CFAP61: variants seen among roughly 807,000 people sequenced by gnomAD.
CFAP61 encodes cilia and flagella associated protein 61, also known as cilia- and flagella-associated protein 61.
In CFAP61, 107 loss-of-function variants were observed where a neutral mutation model predicts 135.6. The ratio of observed to expected loss-of-function variants is 0.79; its 90% CI spans 0.67 to 0.93. CFAP61 has a LOEUF of 0.93. CFAP61 is among the 40% of genes least tolerant of loss of function. The probability of loss-of-function intolerance (pLI) is 0.00; values close to 1 mark genes in which losing one functional copy is unlikely to be tolerated. For synonymous variants in CFAP61, 575 were observed against 578.5 expected (o/e 0.99, Z 0.09); for missense variants, 1,507 against 1,556.2 (o/e 0.97, Z 0.53).
chr20:20,085,380 G>T, intron 6 of CFAP61: 1 of 1,344,984 alleles, frequency 7.4e-7, no homozygotes, highest in Admixed American at 2.0e-5. Flanking sequence ...TAGCACTCGG[G>T]CTGATGCAAG....
intron 9 of CFAP61, among the ~76,000 whole-genome samples, chr20:20,150,434 C>T (rs2052308617): frequency 2.6e-5 from 4 of 152,194 alleles, no homozygotes; most frequent in East Asian, 1.9e-4. Context: ...CACCTCCTGG[C>T]TTGAGGCCAA....
chr20:20,227,245 GA>G (rs1489046224), intron 17 of CFAP61, among the ~76,000 whole-genome samples: 3 of 152,236 alleles, frequency 2.0e-5, no homozygotes, highest in Admixed American at 6.5e-5. Flanking sequence ...TGACCTATCA[GA>G]ATGCGGAGAT....
At chr20:20,086,600 C>T (rs986251711) in intron 6 of CFAP61, among the ~76,000 whole-genome samples, 3 of 151,956 alleles carry the variant, frequency 2.0e-5, no homozygotes, top group Admixed American at 2.0e-4. Flanking sequence ...TTCAGACTGC[C>T]CAGACGCTGC....
chr20:20,315,707 T>A (rs1480322673), intron 25 of CFAP61, among the ~76,000 whole-genome samples: 37 of 152,322 alleles, frequency 2.4e-4, no homozygotes, highest in African/African-American at 8.7e-4. Context: ...CTTGAATTAA[T>A]GTTTGTATAA....
intron 13 of CFAP61, chr20:20,172,244 G>A (rs948640286): frequency 8.1e-6 from 8 of 984,772 alleles, no homozygotes; most frequent in African/African-American, 1.7e-5. Flanking sequence ...ACAGGACTGG[G>A]AATTGTAGGT....
chr20:20,291,286 T>A (rs146835934), intron 24 of CFAP61, among the ~76,000 whole-genome samples: 2 of 152,236 alleles, frequency 1.3e-5, no homozygotes, highest in Non-Finnish European at 2.9e-5. Context: ...GCAGCTTCAC[T>A]GCCCTAAGAA....
intron 19 of CFAP61, 91 bp from the exon 20 acceptor site, chr20:20,251,504 C>A: frequency 1.6e-6 from 2 of 1,233,926 alleles, no homozygotes; most frequent in Non-Finnish European, 2.3e-6. Context: ...GGACTCAGCC[C>A]ACTAGGGGAC....
At chr20:20,066,177 A>G (rs1207374064) in intron 2 of CFAP61, among the ~76,000 whole-genome samples, 2 of 152,188 alleles carry the variant, frequency 1.3e-5, no homozygotes, top group Admixed American at 6.5e-5. Flanking sequence ...TCAGGAAACA[A>G]CAGATGCTGG....
At chr20:20,108,365 TGA>T (rs2146662716) in intron 8 of CFAP61, among the ~76,000 whole-genome samples, 1 of 152,152 alleles carries the variant, frequency 6.6e-6, no homozygotes, top group Admixed American at 6.5e-5. Context: ...ATACTAAAAA[TGA>T]ACAAACAAAA....
At chr20:20,145,962 AAAG>A (rs2051844664) in intron 9 of CFAP61, among the ~76,000 whole-genome samples, 1 of 152,256 alleles carries the variant, frequency 6.6e-6, no homozygotes, top group Non-Finnish European at 1.5e-5. Flanking sequence ...CAGTAAGGAT[AAAG>A]AAGATTTTAA....
intron 21 of CFAP61, among the ~76,000 whole-genome samples, chr20:20,270,001 G>A (rs1326545776): frequency 1.3e-5 from 2 of 152,052 alleles, no homozygotes; most frequent in Non-Finnish European, 2.9e-5. Context: ...GGATGAATGA[G>A]TCATATGTAA....
At chr20:20,062,460 T>C (rs1413306822) in intron 2 of CFAP61, among the ~76,000 whole-genome samples, 2 of 152,122 alleles carry the variant, frequency 1.3e-5, no homozygotes, top group African/African-American at 4.8e-5. Flanking sequence ...AGTTTACCTC[T>C]AAGAGCAAGA....
At chr20:20,332,703 A>T (rs1040089164) in intron 25 of CFAP61, among the ~76,000 whole-genome samples, 1 of 152,106 alleles carries the variant, frequency 6.6e-6, no homozygotes, top group Admixed American at 6.6e-5. Context: ...TACAGCCTCA[A>T]ACTCGGGCTC....
chr20:20,309,659 A>C (rs1218138991), intron 25 of CFAP61, among the ~76,000 whole-genome samples: 2 of 152,198 alleles, frequency 1.3e-5, no homozygotes, highest in Non-Finnish European at 2.9e-5. Flanking sequence ...CTTTAGTAAA[A>C]GCAGTTGTTG....
chr20:20,345,251 G>A (rs2058586911), intron 26 of CFAP61, among the ~76,000 whole-genome samples: 1 of 152,126 alleles, frequency 6.6e-6, no homozygotes, highest in Admixed American at 6.5e-5. Context: ...AACTAAAAGA[G>A]TGGAATTGGA....
intron 15 of CFAP61, among the ~76,000 whole-genome samples, chr20:20,194,623 A>G (rs140136757): frequency 2.0e-5 from 3 of 152,314 alleles, no homozygotes; most frequent in African/African-American, 7.2e-5. Flanking sequence ...GGTGGCTGGC[A>G]TGGGTATCCT....
At chr20:20,347,657 G>T (rs2058679162) in intron 26 of CFAP61, among the ~76,000 whole-genome samples, 1 of 152,140 alleles carries the variant, frequency 6.6e-6, no homozygotes, top group Non-Finnish European at 1.5e-5. Context: ...AAACTAGGCT[G>T]GGTGCAGTGG....
chr20:20,059,326 CAAAAAAAAAA>C (rs11458923), intron 2 of CFAP61, among the ~76,000 whole-genome samples: 12 of 45,494 alleles, frequency 2.6e-4, no homozygotes, highest in Admixed American at 2.5e-3. Flanking sequence ...GACTCTGTCT[CAAAAAAAAAA>C]AAAAAAAAAA....
chr20:20,189,204 A>G (rs1441519242), intron 14 of CFAP61, among the ~76,000 whole-genome samples: 1 of 152,294 alleles, frequency 6.6e-6, no homozygotes, highest in East Asian at 1.9e-4. Context: ...AATGTTTACT[A>G]TTTATAAAGG....
Sources: allele counts gnomAD v4.1 joint callset (sites outside exome capture counted in the v4.1 genomes callset), GRCh38; gene constraint gnomAD v4.1.1; transcripts MANE v1.5; gene names NCBI Gene and HGNC (gene_info 2026-07-23, HGNC 2026-07-21).